The following IRAK2 variants were observed in gnomAD, a reference collection of about 807,000 sequenced individuals.
IRAK2 encodes the protein interleukin-1 receptor-associated kinase-like 2.
Under a neutral mutation model 72.0 loss-of-function variants are expected in IRAK2, and 57 were observed. The ratio of observed to expected loss-of-function variants is 0.79; its 90% confidence interval spans 0.64 to 0.99. The LOEUF (loss-of-function observed/expected upper bound fraction) is 0.99. Ranked by LOEUF, IRAK2 falls within the 50% of genes least tolerant of loss-of-function variation. The probability of loss-of-function intolerance (pLI) is 0.00; values close to 1 mark genes in which losing one functional copy is unlikely to be tolerated. For missense variants in IRAK2, 790 were observed against 794.4 expected, an observed-to-expected ratio of 0.99 and a Z score of 0.07; for synonymous variants, 293 against 312.7, an observed-to-expected ratio of 0.94 and a Z score of 0.67.
At chr3:10,228,040 G>C (rs184006893) in intron 10 of IRAK2, among the ~76,000 whole-genome samples, 1 of 152,070 alleles carries the variant, frequency 6.6e-6, no homozygotes, top group African/African-American at 2.4e-5. Flanking sequence ...TTACAGCTGA[G>C]AAAACTGAGG....
chr3:10,202,596 C>T (rs899681191), intron 3 of IRAK2, among the ~76,000 whole-genome samples: 3 of 151,798 alleles, frequency 2.0e-5, no homozygotes, highest in African/African-American at 7.3e-5. Flanking sequence ...GCATTCCAGC[C>T]TGGGTGACAG....
intron 1 of IRAK2, among the ~76,000 whole-genome samples, chr3:10,171,599 A>T (rs1696795066): frequency 6.6e-6 from 1 of 152,230 alleles, no homozygotes; most frequent in African/African-American, 2.4e-5. Context: ...ATCATCAGGG[A>T]TAAAAACATT....
chr3:10,197,974 C>A (rs696049), intron 2 of IRAK2, among the ~76,000 whole-genome samples: 26,464 of 151,128 alleles, frequency 0.18, 3,263 homozygotes, highest in East Asian at 0.71. Flanking sequence ...CTGAGGAGGG[C>A]GGATCATGAC....
chr3:10,183,199 C>G (rs1352706459), intron 2 of IRAK2, among the ~76,000 whole-genome samples: 1 of 152,158 alleles, frequency 6.6e-6, no homozygotes, highest in Admixed American at 6.5e-5. Flanking sequence ...AGGGGATGTG[C>G]CTGGATGTGA....
intron 2 of IRAK2, among the ~76,000 whole-genome samples, chr3:10,196,875 GC>G (rs1258737904): frequency 1.3e-5 from 2 of 152,136 alleles, no homozygotes; most frequent in East Asian, 3.9e-4. Flanking sequence ...CTCATGAAGG[GC>G]TGATTCATCG....
At position 10,219,773 on chromosome 3, in the gene IRAK2, C is replaced by T. The variant is rs777621578; in HGVS notation, c.997C>T (p.His333Tyr). 1.9e-6 allele frequency: 3 copies of T among 1,612,806 alleles called. No homozygotes were observed. The African/African-American group carries it at 4.0e-5, about 22-fold the overall frequency. Residue 333 changes from histidine (H) to tyrosine (Y), a missense_variant, in exon 8 of 13, where the codon CAC becomes TAC. Coordinates refer to ENST00000256458, the MANE Select transcript of IRAK2 (RefSeq NM_001570.4). ...VEYLHGLEII[H>Y]SNVKSSNVLL... ...GTACCTGCATGGTCTGGAGATCATCCACAGCAACGTCAAGAGGTGAGAGAG... is the reference window on the plus strand; with the variant it reads ...GTACCTGCATGGTCTGGAGATCATCTACAGCAACGTCAAGAGGTGAGAGAG...
chr3:10,201,690 C>T (rs1697363198), intron 3 of IRAK2, among the ~76,000 whole-genome samples: 1 of 152,166 alleles, frequency 6.6e-6, no homozygotes, highest in Admixed American at 6.5e-5. Context: ...GATGACCTCC[C>T]TAGGGGAGCT....
At chr3:10,173,366 C>T (rs981797823) in intron 1 of IRAK2, among the ~76,000 whole-genome samples, 2 of 152,150 alleles carry the variant, frequency 1.3e-5, no homozygotes, top group Admixed American at 1.3e-4. Flanking sequence ...TCCTTGGAGT[C>T]CTCCAAGTGG....
At chr3:10,178,311 G>C (rs1696910519) in intron 2 of IRAK2, among the ~76,000 whole-genome samples, 1 of 152,046 alleles carries the variant, frequency 6.6e-6, no homozygotes, top group Non-Finnish European at 1.5e-5. Context: ...TACAAAATTA[G>C]CTGGGCTTGG....
At chr3:10,210,013 G>A (rs1399013022) in intron 4 of IRAK2, among the ~76,000 whole-genome samples, 9 of 152,056 alleles carry the variant, frequency 5.9e-5, no homozygotes, top group African/African-American at 1.7e-4. Flanking sequence ...TCCGCTTCCC[G>A]GGTTCAAGTG....
chr3:10,191,231 C>A (rs1697170562), intron 2 of IRAK2, among the ~76,000 whole-genome samples: 1 of 151,292 alleles, frequency 6.6e-6, no homozygotes, highest in South Asian at 2.1e-4. Context: ...GGAGGCGGAG[C>A]TTGCAGTGAG....
intron 10 of IRAK2, among the ~76,000 whole-genome samples, chr3:10,229,521 A>G (rs1697828199): frequency 6.6e-6 from 1 of 152,174 alleles, no homozygotes; most frequent in African/African-American, 2.4e-5. Flanking sequence ...GGTCCTGGCA[A>G]TTACTCATCT....
At chr3:10,168,182 C>G (rs1297159689) in intron 1 of IRAK2, among the ~76,000 whole-genome samples, 1 of 151,784 alleles carries the variant, frequency 6.6e-6, no homozygotes, top group African/African-American at 2.4e-5. Flanking sequence ...TCTCCACATC[C>G]TTGTCAACAT....
rs566269124 is a variant in IRAK2, at chr3:10,222,759, C to T, written c.1137C>T (p.Ala379=). The change falls in exon 9 of 13, where the codon GCC becomes GCT. Residue 379 remains alanine, a synonymous_variant. Transcript: ENST00000256458. The stretch of plus-strand genomic sequence containing the variant: ...AGACTCACCTGCTCCGGACGTCAGC[C>T]GCGTATCTGCCAGAGGATTTCATCC... ...MMKTHLLRTS[A]AYLPEDFIRV... is the part of the protein sequence containing the mutation. The T allele has an allele frequency of 7.0e-5, 113 of 1,614,208 alleles. No homozygotes were observed. Among genetic ancestry groups the T allele is most frequent in the African/African-American group, 2.0e-4 (15 of 75,054 alleles).
At chr3:10,201,075 G>T (rs868084395) in intron 3 of IRAK2, among the ~76,000 whole-genome samples, 26 of 152,216 alleles carry the variant, frequency 1.7e-4, no homozygotes, top group African/African-American at 4.8e-4. Flanking sequence ...TATAACATCT[G>T]TTACCATTTT....
At position 10,239,260 on chromosome 3, in the gene IRAK2, C is replaced by T. The variant is rs76977163; in HGVS notation, c.1765+221C>T. On this transcript the variant is annotated intron_variant, in intron 12 of 12. Transcript: ENST00000256458. ...TAATCACCCAGTCCTGTCCATTGGC[C>T]TCCAAAATCTCTCTCACCTCCATCT... is the stretch of plus-strand genomic sequence containing the variant. Among the ~76,000 whole-genome samples, 77 of 152,292 alleles carry T rather than the reference C, an allele frequency of 5.1e-4. No individual in the cohort carries two copies. In the East Asian group the frequency reaches 6.8e-3, roughly 13 times the overall value.
chr3:10,235,522 T>G (rs1697943328), intron 11 of IRAK2, among the ~76,000 whole-genome samples: 1 of 152,076 alleles, frequency 6.6e-6, no homozygotes, highest in Non-Finnish European at 1.5e-5. Context: ...AGAAATCATC[T>G]AGCAGAGTGA....
chr3:10,176,951 C>T (rs961499712), intron 1 of IRAK2, among the ~76,000 whole-genome samples: 24 of 151,598 alleles, frequency 1.6e-4, no homozygotes, highest in East Asian at 3.9e-4. Context: ...TACAGGTGCC[C>T]GCCACCACGC....
At position 10,242,590 on chromosome 3, in the gene IRAK2, T is replaced by G; in HGVS notation, c.*362T>G. The stretch of plus-strand genomic sequence containing the variant: ...GATTCCATTACCTCAGCAGCTCTTG[T>G]TCCCCCGCCACTGGCAGTTCTGCAA... On this transcript the variant is annotated 3_prime_UTR_variant, in exon 13 of 13. Transcript: ENST00000256458. 6.3e-6 allele frequency: 1 copy of G among 158,024 alleles called. No individual in the cohort carries two copies. The highest frequency in any genetic ancestry group is 1.4e-5 in the Non-Finnish European group (1 of 71,932). The allele number at this position is 158,024 out of a possible 1,614,324, so 9.8% of individuals were successfully genotyped here. A position where few individuals can be genotyped will look rare whatever the true frequency, so the allele number is the denominator to read the frequency against.
Sources: gnomAD v4.1 joint callset for allele counts (sites outside exome capture counted in the v4.1 genomes callset) on GRCh38, gnomAD v4.1.1 for gene constraint, MANE v1.5 for transcripts, NCBI Gene and HGNC (gene_info 2026-07-23, HGNC 2026-07-21) for gene names.